Variants in THSD7B observed in about 807,000 individuals in gnomAD.
THSD7B encodes the protein thrombospondin type 1 domain containing 7B.
In THSD7B, 138 loss-of-function variants were observed where a neutral mutation model predicts 213.6. The ratio of observed to expected loss-of-function variants is 0.65; its 90% CI spans 0.56 to 0.74. THSD7B has a LOEUF of 0.74. Among genes scored for constraint, THSD7B ranks in the 30% least tolerant of loss-of-function variants. The probability of loss-of-function intolerance (pLI) is 0.00; values close to 1 mark genes in which losing one functional copy is unlikely to be tolerated. For synonymous variants in THSD7B, 742 were observed against 687.0 expected (o/e 1.08, Z -1.25); for missense variants, 1,931 against 1,991.5 (o/e 0.97, Z 0.58).
At chr2:137,499,369 GA>G (rs1263781430) in intron 15 of THSD7B, among the ~76,000 whole-genome samples, 42 of 151,152 alleles carry the variant, frequency 2.8e-4, no homozygotes, top group Non-Finnish European at 3.0e-5. Flanking sequence ...GGTACTTACA[GA>G]AAAAAAAATG....
At chr2:137,364,444 C>A (rs10427221) in intron 12 of THSD7B, among the ~76,000 whole-genome samples, 124,601 of 151,824 alleles carry the variant, frequency 0.82, 51,564 homozygotes, top group East Asian at 0.94. Context: ...AGGAAAAGAG[C>A]AAGTCAAATT....
intron 15 of THSD7B, among the ~76,000 whole-genome samples, chr2:137,510,585 G>A (rs1679940821): frequency 6.6e-6 from 1 of 152,082 alleles, no homozygotes. Flanking sequence ...ATGTAGATAA[G>A]TTAGCATTTG....
chr2:137,076,809 G>C (rs1259205170), intron 3 of THSD7B, among the ~76,000 whole-genome samples: 1 of 151,754 alleles, frequency 6.6e-6, no homozygotes, highest in African/African-American at 2.4e-5. Context: ...ACAGTATATT[G>C]TTTATTTGTT....
chr2:137,366,070 G>T (rs183240489), intron 12 of THSD7B, among the ~76,000 whole-genome samples: 3 of 109,494 alleles, frequency 2.7e-5, no homozygotes, highest in African/African-American at 8.9e-5. Context: ...CATAAAAAAG[G>T]ACAAATTCTT....
At chr2:137,488,170 C>G (rs1467224596) in intron 15 of THSD7B, among the ~76,000 whole-genome samples, 1 of 152,090 alleles carries the variant, frequency 6.6e-6, no homozygotes, top group Non-Finnish European at 1.5e-5. Context: ...TGCATTGGAA[C>G]TAAAAAGGTG....
At chr2:136,933,815 G>GA (rs1325658849) in intron 2 of THSD7B, among the ~76,000 whole-genome samples, 2 of 151,720 alleles carry the variant, frequency 1.3e-5, no homozygotes, top group Non-Finnish European at 2.9e-5. Flanking sequence ...AATTGATATT[G>GA]AACCTAACTG....
chr2:137,567,133 C>CT (rs375626531), intron 16 of THSD7B, among the ~76,000 whole-genome samples: 15 of 137,680 alleles, frequency 1.1e-4, no homozygotes, highest in Middle Eastern at 3.7e-3. Flanking sequence ...GTGACATGCT[C>CT]TATTTTATTT....
At chr2:137,314,819 G>A (rs563880926) in intron 12 of THSD7B, among the ~76,000 whole-genome samples, 69 of 152,166 alleles carry the variant, frequency 4.5e-4, no homozygotes, top group Admixed American at 9.2e-4. Context: ...TAGGCTGCTC[G>A]GGGGTCAGGG....
chr2:136,926,614 G>A (rs1684530479), intron 2 of THSD7B, among the ~76,000 whole-genome samples: 1 of 151,852 alleles, frequency 6.6e-6, no homozygotes, highest in Non-Finnish European at 1.5e-5. Flanking sequence ...GGATGGTCTG[G>A]GCTTGAGAGG....
intron 6 of THSD7B, among the ~76,000 whole-genome samples, chr2:137,168,824 G>A (rs1680182976): frequency 6.6e-6 from 1 of 152,102 alleles, no homozygotes; most frequent in Admixed American, 6.6e-5. Flanking sequence ...TAAGAATAGA[G>A]GTCATTCGAG....
intron 2 of THSD7B, among the ~76,000 whole-genome samples, chr2:137,005,200 G>A (rs536435846): frequency 3.9e-4 from 59 of 152,286 alleles, no homozygotes; most frequent in African/African-American, 1.3e-3. Context: ...TGATTTCAGT[G>A]CTCAGCCAAC....
chr2:137,152,718 A>G (rs1386725138), intron 5 of THSD7B, among the ~76,000 whole-genome samples: 1 of 152,186 alleles, frequency 6.6e-6, no homozygotes, highest in Admixed American at 6.5e-5. Flanking sequence ...CTGTTGTCAT[A>G]GTTTCTATGG....
chr2:137,612,169 G>C lies in THSD7B; in HGVS notation c.3424-4006G>C, dbSNP rs537143493. Among the ~76,000 whole-genome samples the C allele has an allele frequency of 4.6e-5, 7 of 152,312 alleles. No homozygotes were observed. The South Asian group carries it at 1.4e-3, about 32-fold the overall frequency. On this transcript the variant is annotated intron_variant, in intron 17 of 27. Coordinates refer to ENST00000409968, the MANE Select transcript of THSD7B (RefSeq NM_001316349.2). The stretch of plus-strand genomic sequence containing the variant: ...AACTCTTCAAGAGTCACCATGTACA[G>C]TGTACTAGTTATAGATAATTTATCA...
intron 10 of THSD7B, among the ~76,000 whole-genome samples, chr2:137,252,911 CTT>C (rs754932566): frequency 4.6e-4 from 37 of 80,668 alleles, no homozygotes; most frequent in African/African-American, 9.0e-4. Flanking sequence ...AAAAGGCTTG[CTT>C]TTTTTTTTTT....
intron 2 of THSD7B, among the ~76,000 whole-genome samples, chr2:136,972,786 T>C (rs1456675760): frequency 6.6e-6 from 1 of 152,114 alleles, no homozygotes; most frequent in Admixed American, 6.6e-5. Context: ...CATGGAGAGA[T>C]GTTGTAAAAT....
intron 2 of THSD7B, among the ~76,000 whole-genome samples, chr2:136,917,412 G>A (rs982499707): frequency 3.3e-5 from 5 of 152,254 alleles, no homozygotes; most frequent in South Asian, 4.1e-4. Context: ...TTTAGTCTGC[G>A]GACTCACAAA....
intron 3 of THSD7B, among the ~76,000 whole-genome samples, chr2:137,084,456 C>T (rs931518755): frequency 2.6e-5 from 4 of 152,260 alleles, no homozygotes; most frequent in Admixed American, 6.5e-5. Flanking sequence ...GGCATAGCTG[C>T]GTTGGGCACA....
At chr2:136,843,957 T>C (rs1682957745) in intron 1 of THSD7B, among the ~76,000 whole-genome samples, 1 of 152,152 alleles carries the variant, frequency 6.6e-6, no homozygotes. Context: ...CTGGGGGCAG[T>C]GTATACCATC....
At chr2:136,926,715 A>C (rs923364424) in intron 2 of THSD7B, among the ~76,000 whole-genome samples, 2 of 151,732 alleles carry the variant, frequency 1.3e-5, no homozygotes, top group Admixed American at 6.6e-5. Flanking sequence ...GAAAAAAAAA[A>C]ACACAAAAAA....
Sources: allele counts gnomAD v4.1 joint callset (sites outside exome capture counted in the v4.1 genomes callset), GRCh38; gene constraint gnomAD v4.1.1; transcripts MANE v1.5; gene names NCBI Gene and HGNC (gene_info 2026-07-23, HGNC 2026-07-21).